Variants in SYN3 observed in about 807,000 individuals in gnomAD.
SYN3 encodes the protein synapsin III, also known as synapsin-3.
A neutral mutation model predicts 65.8 loss-of-function variants in SYN3; 35 were observed. That is an observed-to-expected ratio of 0.53 (90% CI 0.41 to 0.70). The LOEUF is 0.70. Ranked by LOEUF, SYN3 falls within the 30% of genes least tolerant of loss-of-function variation. The pLI is 0.00. For synonymous variants in SYN3, 270 were observed against 292.9 expected (o/e 0.92, Z 0.80); for missense variants, 680 against 749.0 (o/e 0.91, Z 1.08).
intron 7 of SYN3, among the ~76,000 whole-genome samples, chr22:32,559,995 C>T (rs2058563428): frequency 6.6e-6 from 1 of 152,204 alleles, no homozygotes; most frequent in Non-Finnish European, 1.5e-5. Flanking sequence ...GAACACGTGA[C>T]TGGGAAGGGC....
chr22:32,886,703 TG>T (rs2049299047), intron 4 of SYN3, among the ~76,000 whole-genome samples: 1 of 152,266 alleles, frequency 6.6e-6, no homozygotes, highest in African/African-American at 2.4e-5. Flanking sequence ...CTTATTCCCT[TG>T]GCCCTGGGCA....
At chr22:32,514,069 G>T (rs959968917) in intron 13 of SYN3, among the ~76,000 whole-genome samples, 1 of 152,078 alleles carries the variant, frequency 6.6e-6, no homozygotes, top group Non-Finnish European at 1.5e-5. Context: ...AACTTGCTCC[G>T]GTCCTCACAG....
At chr22:32,742,598 A>T (rs5754242) in intron 6 of SYN3, among the ~76,000 whole-genome samples, 59,368 of 151,970 alleles carry the variant, frequency 0.39, 12,016 homozygotes, top group East Asian at 0.57. Flanking sequence ...ACAAGGAAAC[A>T]GAGGATCAGA....
chr22:32,606,907 G>C (rs963539272), intron 6 of SYN3, among the ~76,000 whole-genome samples: 2 of 150,796 alleles, frequency 1.3e-5, no homozygotes, highest in African/African-American at 2.4e-5. Flanking sequence ...TGTGCACAAC[G>C]TGCAGGTTTG....
chr22:32,582,675 C>T (rs547841777), intron 7 of SYN3, among the ~76,000 whole-genome samples: 1 of 152,126 alleles, frequency 6.6e-6, no homozygotes, highest in Non-Finnish European at 1.5e-5. Context: ...AGCCACTGTG[C>T]CCAGCCTATG....
At chr22:32,938,579 C>T (rs1379161617) in intron 3 of SYN3, among the ~76,000 whole-genome samples, 1 of 150,054 alleles carries the variant, frequency 6.7e-6, no homozygotes, top group East Asian at 1.9e-4. Flanking sequence ...AGAAAACCAA[C>T]CAAAAAACAA....
intron 9 of SYN3, 25 bp downstream of exon 9, chr22:32,538,010 CT>C (rs2058193908): frequency 6.2e-7 from 1 of 1,609,716 alleles, no homozygotes; most frequent in Non-Finnish European, 8.5e-7. Flanking sequence ...GCCAGTGCCT[CT>C]CCCTACACCT....
chr22:32,559,297 G>A (rs936291237), intron 7 of SYN3, among the ~76,000 whole-genome samples: 1 of 152,188 alleles, frequency 6.6e-6, no homozygotes, highest in Non-Finnish European at 1.5e-5. Context: ...AGGAGACAAT[G>A]GCAGGGTTGG....
intron 6 of SYN3, among the ~76,000 whole-genome samples, chr22:32,685,733 C>G (rs892121650): frequency 6.6e-6 from 1 of 152,192 alleles, no homozygotes; most frequent in Non-Finnish European, 1.5e-5. Context: ...CAGGACATAA[C>G]CCAGTCATTA....
chr22:32,918,451 G>C (rs2050246676), intron 4 of SYN3, among the ~76,000 whole-genome samples: 2 of 152,124 alleles, frequency 1.3e-5, no homozygotes, highest in South Asian at 4.2e-4. Context: ...CAATCTTTCT[G>C]GCTATCTAGA....
chr22:32,881,708 C>A (rs1319394627), intron 4 of SYN3, among the ~76,000 whole-genome samples: 1 of 152,064 alleles, frequency 6.6e-6, no homozygotes, highest in African/African-American at 2.4e-5. Context: ...GGTGAGCTTT[C>A]TTTATTTTAT....
intron 6 of SYN3, chr22:32,849,685 A>G (rs545137958): frequency 3.9e-6 from 3 of 760,730 alleles, no homozygotes; most frequent in Non-Finnish European, 6.9e-6. Context: ...GGGAGCTGCT[A>G]AGGCTGCATA....
chr22:32,757,294 C>T (rs1039577745), intron 6 of SYN3, among the ~76,000 whole-genome samples: 8 of 113,194 alleles, frequency 7.1e-5, no homozygotes, highest in Non-Finnish European at 1.2e-4. Flanking sequence ...CTCCTCCTAC[C>T]TTTTTTTTTT....
At chr22:32,620,598 G>A (rs2059580261) in intron 6 of SYN3, among the ~76,000 whole-genome samples, 1 of 152,134 alleles carries the variant, frequency 6.6e-6, no homozygotes, top group Non-Finnish European at 1.5e-5. Flanking sequence ...AAAAGAAAGA[G>A]GGCCCCAAAT....
In SYN3 at chr22:32,651,588, A is replaced by ATG. The variant is rs3842465; in HGVS notation, c.712-54853_712-54852insCA. ...CTTGAATGAATGAATGAATGAATGAAAAGGCTTTAAACTGAGGATGGCCCA... is the reference window on the plus strand; with the variant it reads ...CTTGAATGAATGAATGAATGAATGAATGAAGGCTTTAAACTGAGGATGGCCCA... On this transcript the variant is annotated intron_variant, in intron 6 of 13. Transcript: ENST00000358763. Among the ~76,000 whole-genome samples, 353 of 152,242 alleles carry ATG rather than the reference A, an allele frequency of 2.3e-3. 2 individuals are homozygous for ATG. The highest frequency in any genetic ancestry group is 7.6e-3 in the African/African-American group (315 of 41,554).
In SYN3 at chr22:32,763,186, G is replaced by A. The variant is rs917126709; in HGVS notation, c.711+101729C>T. ...TTTTGAGATGGAGTCTCACTCTGTC[G>A]CCCAGGCTGGAGTGCAGTGGCACTA... On this transcript the variant is annotated intron_variant, in intron 6 of 13. Transcript: ENST00000358763. Among the ~76,000 whole-genome samples the A allele has an allele frequency of 5.3e-5, 8 of 150,746 alleles. No individual in the cohort carries two copies. The East Asian group carries it at 9.8e-4, about 18-fold the overall frequency.
rs958921622 is a variant in SYN3 at position 32,512,624 on chromosome 22, G to C, written c.*1068C>G. 6.6e-6 allele frequency: 1 copy of C among 152,134 alleles called. No homozygotes were observed. Among genetic ancestry groups the C allele is most frequent in the Non-Finnish European group, 1.5e-5 (1 of 68,026 alleles). The allele number at this position is 152,134 out of a possible 1,614,324, so 9.4% of individuals were successfully genotyped here. ...CTTTGACATATATTATATACAATGC[G>C]TCTCCAAAAAAAGAAATACAAACAG... On this transcript the variant is annotated 3_prime_UTR_variant, in exon 14 of 14. Transcript: ENST00000358763.
chr22:33,018,708 G>A (rs2053512220), intron 1 of SYN3, among the ~76,000 whole-genome samples: 1 of 152,194 alleles, frequency 6.6e-6, no homozygotes, highest in Non-Finnish European at 1.5e-5. Context: ...GATCAGCCTG[G>A]ACAGGAGAGT....
At chr22:33,021,826 T>C (rs1469306147) in intron 1 of SYN3, among the ~76,000 whole-genome samples, 1 of 151,818 alleles carries the variant, frequency 6.6e-6, no homozygotes, top group Non-Finnish European at 1.5e-5. Flanking sequence ...TCTGTTCCCT[T>C]TCATAGAATG....
Sources: gnomAD v4.1 joint callset for allele counts (sites outside exome capture counted in the v4.1 genomes callset) on GRCh38, gnomAD v4.1.1 for gene constraint, MANE v1.5 for transcripts, NCBI Gene and HGNC (gene_info 2026-07-23, HGNC 2026-07-21) for gene names.